The following TESK2 variants were observed in gnomAD, a reference collection of about 807,000 sequenced individuals.
TESK2 encodes testis associated actin remodelling kinase 2.
A neutral mutation model predicts 57.1 loss-of-function variants in TESK2; 39 were observed. The observed-to-expected ratio is 0.68, with a 90% CI of 0.53 to 0.89. TESK2 has a LOEUF of 0.89. TESK2 is among the 40% of genes least tolerant of loss of function. The pLI is 0.00. For missense variants in TESK2, 646 were observed against 732.1 expected (o/e 0.88, Z 1.36); for synonymous variants, 249 against 267.9 (o/e 0.93, Z 0.69).
chr1:45,448,250 AAAAAAG>A (rs1209022457), intron 2 of TESK2, among the ~76,000 whole-genome samples: 21 of 149,842 alleles, frequency 1.4e-4, no homozygotes, highest in African/African-American at 3.2e-4. Context: ...AAAAAAAAAA[AAAAAAG>A]AAAAAAGAAA....
chr1:45,410,224 T>C (rs1649985000), intron 3 of TESK2, among the ~76,000 whole-genome samples: 1 of 152,152 alleles, frequency 6.6e-6, no homozygotes, highest in Non-Finnish European at 1.5e-5. Context: ...CTTGAGAGTC[T>C]TTCACCTAGT....
At chr1:45,447,703 T>C (rs1280485476) in intron 2 of TESK2, among the ~76,000 whole-genome samples, 1 of 152,198 alleles carries the variant, frequency 6.6e-6, no homozygotes, top group Non-Finnish European at 1.5e-5. Flanking sequence ...TACATAATTA[T>C]ATGTGCTATA....
intron 2 of TESK2, among the ~76,000 whole-genome samples, chr1:45,450,436 C>A (rs564785053): frequency 6.6e-6 from 1 of 152,168 alleles, no homozygotes; most frequent in South Asian, 2.1e-4. Context: ...TGCTTAAACC[C>A]GGGAGGTCGA....
chr1:45,375,716 C>A (rs975831878), intron 4 of TESK2, among the ~76,000 whole-genome samples: 1 of 151,828 alleles, frequency 6.6e-6, no homozygotes, highest in African/African-American at 2.4e-5. Flanking sequence ...ACAGCAAGAC[C>A]CATGTCACTA....
intron 5 of TESK2, among the ~76,000 whole-genome samples, chr1:45,348,854 GCCTT>G (rs2149263210): frequency 6.6e-6 from 1 of 152,136 alleles, no homozygotes; most frequent in African/African-American, 2.4e-5. Context: ...GTTCTGGTTT[GCCTT>G]CCTTCCTCAC....
intron 1 of TESK2, among the ~76,000 whole-genome samples, chr1:45,461,029 T>C (rs1473559366): frequency 1.3e-5 from 2 of 152,092 alleles, no homozygotes; most frequent in East Asian, 3.9e-4. Context: ...TGGGTCATAA[T>C]AGCTTTTTTT....
chr1:45,464,424 A>T (rs1396028740), intron 1 of TESK2, among the ~76,000 whole-genome samples: 5 of 92,768 alleles, frequency 5.4e-5, no homozygotes, highest in African/African-American at 7.0e-5. Context: ...ACACTGGATA[A>T]AAAAAAAAAA....
chr1:45,445,002 T>A (rs541155171), intron 2 of TESK2, among the ~76,000 whole-genome samples: 9 of 152,268 alleles, frequency 5.9e-5, no homozygotes, highest in African/African-American at 2.2e-4. Flanking sequence ...CAATTGCTCC[T>A]ACAGATAACA....
At chr1:45,415,595 A>C (rs1282243108) in intron 3 of TESK2, among the ~76,000 whole-genome samples, 1 of 152,230 alleles carries the variant, frequency 6.6e-6, no homozygotes, top group Non-Finnish European at 1.5e-5. Flanking sequence ...CCACTGAAAG[A>C]AGCAGCCAGA....
rs781628728 is a variant in TESK2 at position 45,345,528 on chromosome 1, C to T, written c.1028G>A (p.Arg343Gln). The T allele has an allele frequency of 8.7e-6, 14 of 1,613,844 alleles. No homozygotes were observed. Among genetic ancestry groups the T allele is most frequent in the East Asian group, 4.5e-5 (2 of 44,892 alleles). The change falls in exon 11 of 11, where the codon CGA becomes CAA. Residue 343 changes from arginine to glutamine, a missense_variant. Arg to Gln is a conservative substitution (Grantham distance 43). Coordinates refer to ENST00000372086, the MANE Select transcript of TESK2 (RefSeq NM_007170.3). ...GATCTTGTCATCCAGTGAGCTTAGTCGCTTCACCCCAGGTGCTTTCTCCAA... is the reference window on the plus strand; with the variant it reads ...GATCTTGTCATCCAGTGAGCTTAGTTGCTTCACCCCAGGTGCTTTCTCCAA... The part of the protein sequence containing the change: ...GLLEKAPGVK[R>Q]LSSLDDKIPH...
At position 45,347,046 on chromosome 1, in the gene TESK2, T is replaced by C. The variant is rs1647153430; in HGVS notation, c.725A>G (p.Tyr242Cys). Residue 242 changes from tyrosine (Y) to cysteine (C), a missense_variant, in exon 8 of 11, where the codon TAT becomes TGT. Tyr to Cys is a radical substitution (Grantham distance 194, BLOSUM62 -2). Coordinates refer to ENST00000372086, the MANE Select transcript of TESK2 (RefSeq NM_007170.3). The stretch of plus-strand genomic sequence containing the variant: ...GATGATCTCGCAGAGGATGATACCA[T>C]AAGAGAACACATCTGCCTGGTGGGT... ...PYNEKADVFSYGIILCEIIAR... is the reference protein window; with the variant it reads ...PYNEKADVFSCGIILCEIIAR... 1 of 1,614,066 alleles carries C rather than the reference T, an allele frequency of 6.2e-7. No individual in the cohort carries two copies. Among genetic ancestry groups the C allele is most frequent in the Admixed American group, 1.7e-5 (1 of 60,008 alleles).
At chr1:45,415,280 A>G in intron 3 of TESK2, 1 of 1,357,260 alleles carries the variant, frequency 7.4e-7, no homozygotes, top group Non-Finnish European at 1.0e-6. Context: ...GCCATGGGGC[A>G]CTTTGGGTCT....
chr1:45,375,587 C>T (rs964465573), intron 4 of TESK2, among the ~76,000 whole-genome samples: 6 of 152,104 alleles, frequency 3.9e-5, no homozygotes, highest in South Asian at 4.2e-4. Flanking sequence ...CTCCTCTGCC[C>T]GCCCCCTGCT....
intron 3 of TESK2, among the ~76,000 whole-genome samples, chr1:45,416,288 C>T (rs991575863): frequency 2.0e-5 from 3 of 151,022 alleles, no homozygotes; most frequent in Middle Eastern, 3.2e-3. Context: ...GTTTTCTCTA[C>T]AAAAACCATG....
intron 4 of TESK2, among the ~76,000 whole-genome samples, chr1:45,356,027 C>G (rs367670738): frequency 6.6e-6 from 1 of 152,174 alleles, no homozygotes; most frequent in South Asian, 2.1e-4. Context: ...GTTATATTTG[C>G]TTTTTAAAGA....
intron 2 of TESK2, among the ~76,000 whole-genome samples, chr1:45,440,351 T>G (rs1302178695): frequency 2.6e-5 from 4 of 152,136 alleles, no homozygotes; most frequent in Non-Finnish European, 5.9e-5. Context: ...ATGAAAACTA[T>G]GATAATGGTA....
At chr1:45,390,700 T>G (rs1649099026) in intron 3 of TESK2, among the ~76,000 whole-genome samples, 1 of 150,216 alleles carries the variant, frequency 6.7e-6, no homozygotes, top group Non-Finnish European at 1.5e-5. Flanking sequence ...CTCAGCCTCA[T>G]GAGCAGCTAG....
intron 2 of TESK2, among the ~76,000 whole-genome samples, chr1:45,451,089 G>A (rs1651850709): frequency 6.6e-6 from 1 of 152,232 alleles, no homozygotes; most frequent in South Asian, 2.1e-4. Context: ...ACTGGAGTCT[G>A]GGATTTGGTG....
intron 3 of TESK2, among the ~76,000 whole-genome samples, chr1:45,401,242 TA>T (rs1557558783): frequency 1.3e-5 from 2 of 150,840 alleles, no homozygotes; most frequent in African/African-American, 4.9e-5. Flanking sequence ...ACTAAAAATA[TA>T]AAAATTAGCT....
Sources: allele counts gnomAD v4.1 joint callset (sites outside exome capture counted in the v4.1 genomes callset), GRCh38; gene constraint gnomAD v4.1.1; transcripts MANE v1.5; gene names NCBI Gene and HGNC (gene_info 2026-07-23, HGNC 2026-07-21).